Variants in ADAMTSL3 observed in about 807,000 individuals in gnomAD.
ADAMTSL3 encodes the protein ADAMTS-like protein 3.
In ADAMTSL3, 128 loss-of-function variants were observed where a neutral mutation model predicts 201.7. The observed-to-expected ratio is 0.63, with a 90% confidence interval of 0.55 to 0.73. The LOEUF is 0.73. Among genes scored for constraint, ADAMTSL3 ranks in the 30% least tolerant of loss-of-function variants. The pLI, the probability that ADAMTSL3 is intolerant of heterozygous loss-of-function variation, is 0.00. For synonymous variants in ADAMTSL3, 738 were observed against 748.4 expected, an observed-to-expected ratio of 0.99 and a Z score of 0.23; for missense variants, 1,990 against 2,119.6, an observed-to-expected ratio of 0.94 and a Z score of 1.20.
chr15:83,824,954 T>C (rs977841805), intron 6 of ADAMTSL3: 10 of 152,210 alleles, frequency 6.6e-5, no homozygotes, highest in Admixed American at 6.5e-4. Context: ...ATCATAAAAT[T>C]GTATCATACC....
rs68134290 is a variant in ADAMTSL3, at chr15:83,971,558, CAAAAAAAA to C, written c.2644+933_2644+940del. On this transcript the variant is annotated intron_variant, in intron 20 of 29. Coordinates refer to ENST00000286744, the MANE Select transcript of ADAMTSL3 (RefSeq NM_207517.3). ...GGCGACAGAGTGTGAGACTCTGTCT[CAAAAAAAA>C]AAAAAAAAAAAGAAAGAAAGAAAAA... 1.6e-4 allele frequency among the ~76,000 whole-genome samples: 10 copies of C among 63,928 alleles called. No individual in the cohort carries two copies. The Admixed American group carries it at 2.0e-3, about 13-fold the overall frequency. The allele number at this position is 63,928 out of a possible 152,430, so 41.9% of individuals were successfully genotyped here. A position where few individuals can be genotyped will look rare whatever the true frequency, so the allele number is the denominator to read the frequency against.
chr15:83,720,404 A>C (rs191593342), intron 3 of ADAMTSL3, among the ~76,000 whole-genome samples: 1 of 152,306 alleles, frequency 6.6e-6, no homozygotes, highest in Admixed American at 6.5e-5. Flanking sequence ...TTGGTCCCTG[A>C]CCTCATTGCC....
intron 2 of ADAMTSL3, among the ~76,000 whole-genome samples, chr15:83,701,181 C>A (rs1186451137): frequency 6.6e-6 from 1 of 152,092 alleles, no homozygotes; most frequent in Non-Finnish European, 1.5e-5. Context: ...GGTATCCAGT[C>A]GGGGGTATAG....
intron 3 of ADAMTSL3, among the ~76,000 whole-genome samples, chr15:83,741,014 A>G (rs1013037664): frequency 1.3e-5 from 2 of 152,100 alleles, no homozygotes; most frequent in Non-Finnish European, 2.9e-5. Flanking sequence ...ACAAGCATTC[A>G]AGAGGACATG....
At chr15:83,788,441 C>G (rs1359528118) in intron 4 of ADAMTSL3, among the ~76,000 whole-genome samples, 1 of 152,146 alleles carries the variant, frequency 6.6e-6, no homozygotes, top group Non-Finnish European at 1.5e-5. Context: ...TCCTGCTTAT[C>G]TGAAAAGATC....
intron 8 of ADAMTSL3, 92 bp downstream of exon 8, chr15:83,858,932 A>C: frequency 9.1e-7 from 1 of 1,099,246 alleles, no homozygotes; most frequent in Non-Finnish European, 1.3e-6. Flanking sequence ...AACCAAACCA[A>C]CAAGCAAAAA....
intron 26 of ADAMTSL3, 67 bp from the exon 27 acceptor site, chr15:84,025,171 G>T: frequency 7.1e-7 from 1 of 1,415,796 alleles, no homozygotes; most frequent in Non-Finnish European, 9.5e-7. Context: ...TTTTTCCTTT[G>T]ATGAGACGCC....
chr15:83,972,705 A>C (rs553500506), intron 20 of ADAMTSL3, among the ~76,000 whole-genome samples: 2 of 152,298 alleles, frequency 1.3e-5, no homozygotes, highest in East Asian at 3.9e-4. Context: ...CCTGCCAAAC[A>C]TGTAGGTCAT....
At chr15:83,721,438 C>CT (rs2062098966) in intron 3 of ADAMTSL3, among the ~76,000 whole-genome samples, 2 of 152,232 alleles carry the variant, frequency 1.3e-5, no homozygotes, top group South Asian at 2.1e-4. Context: ...AGGGAGAACT[C>CT]TGACGCTTCA....
chr15:83,710,147 G>A (rs968069), intron 3 of ADAMTSL3, among the ~76,000 whole-genome samples: 30,434 of 152,076 alleles, frequency 0.2, 3,986 homozygotes, highest in Middle Eastern at 0.37. Flanking sequence ...CAAGCTCGAA[G>A]CCATTTAGAG....
chr15:84,001,895 G>T (rs535663750), intron 23 of ADAMTSL3, among the ~76,000 whole-genome samples: 1 of 152,206 alleles, frequency 6.6e-6, no homozygotes, highest in African/African-American at 2.4e-5. Flanking sequence ...GCAGCAGTGG[G>T]AAAGAATGTG....
At chr15:83,898,069 G>A in intron 14 of ADAMTSL3, 64 bp downstream of exon 14, 1 of 1,507,068 alleles carries the variant, frequency 6.6e-7, no homozygotes, top group Non-Finnish European at 9.0e-7. Context: ...TTCCAATATT[G>A]TAGCATTTCC....
At chr15:84,010,837 G>C (rs555577612) in intron 23 of ADAMTSL3, among the ~76,000 whole-genome samples, 116 of 152,274 alleles carry the variant, frequency 7.6e-4, no homozygotes, top group Admixed American at 2.7e-3. Context: ...GAAAAGTCTG[G>C]CTCCTGCTCC....
At chr15:84,033,044 G>C (rs189917165) in intron 28 of ADAMTSL3, among the ~76,000 whole-genome samples, 1 of 152,072 alleles carries the variant, frequency 6.6e-6, no homozygotes, top group East Asian at 1.9e-4. Flanking sequence ...GTACTTTCCT[G>C]ATTACTTTTT....
At position 83,874,117 on chromosome 15, in the gene ADAMTSL3, C is replaced by T. The variant is rs1206807469; in HGVS notation, c.960+3158C>T. Among the ~76,000 whole-genome samples, 3 of 144,970 alleles carry T rather than the reference C, an allele frequency of 2.1e-5. 1 individual carries two copies. The highest frequency in any genetic ancestry group is 7.9e-5 in the African/African-American group (3 of 37,838). On this transcript the variant is annotated intron_variant, in intron 9 of 29. Transcript: ENST00000286744. ...CCTCAGGAGGATGTGCACCACAGGG[C>T]ATGTCCAGCCAGGATGTGGAAAGCC...
chr15:83,725,445 C>T (rs1038603579), intron 3 of ADAMTSL3, among the ~76,000 whole-genome samples: 7 of 152,054 alleles, frequency 4.6e-5, no homozygotes, highest in African/African-American at 1.4e-4. Flanking sequence ...CTGCACTTGT[C>T]GGGTATTACT....
chr15:83,692,462 G>A (rs1018271291), intron 2 of ADAMTSL3, among the ~76,000 whole-genome samples: 3 of 151,846 alleles, frequency 2.0e-5, no homozygotes, highest in Non-Finnish European at 4.4e-5. Flanking sequence ...GAGGTGGGCG[G>A]ATCACGAGGT....
At position 84,017,180 on chromosome 15, in the gene ADAMTSL3, T is replaced by C. The variant is rs191203515; in HGVS notation, c.4273+681T>C. 4.1e-3 allele frequency among the ~76,000 whole-genome samples: 619 copies of C among 152,256 alleles called. 7 individuals are homozygous for C. The highest frequency in any genetic ancestry group is 0.014 in the African/African-American group (562 of 41,562). On this transcript the variant is annotated intron_variant, in intron 25 of 29. Transcript: ENST00000286744. ...CCTCCCAGGCTGGAGTGCAGTGGCG[T>C]GATCTCAGCTCACTGCAAGCTCCGC...
At position 83,830,871 on chromosome 15, in the gene ADAMTSL3, G is replaced by A. The variant is rs577698739; in HGVS notation, c.601-7218G>A. Among the ~76,000 whole-genome samples the A allele has an allele frequency of 2.1e-3, 327 of 152,282 alleles. 1 individual carries two copies. Among genetic ancestry groups the A allele is most frequent in the Admixed American group, 4.1e-3 (63 of 15,296 alleles). On this transcript the variant is annotated intron_variant, in intron 6 of 29. Coordinates refer to ENST00000286744, the MANE Select transcript of ADAMTSL3 (RefSeq NM_207517.3). ...CTGGGAGCAGCAGGTGGGCAGGATGGAGGGAAAAGAGGAGGGTGGGTGACT... is the reference window on the plus strand; with the variant it reads ...CTGGGAGCAGCAGGTGGGCAGGATGAAGGGAAAAGAGGAGGGTGGGTGACT...
Sources: gnomAD v4.1 joint callset for allele counts (sites outside exome capture counted in the v4.1 genomes callset) on GRCh38, gnomAD v4.1.1 for gene constraint, MANE v1.5 for transcripts, NCBI Gene and HGNC (gene_info 2026-07-23, HGNC 2026-07-21) for gene names.